RAF1: variants seen among roughly 807,000 people sequenced by gnomAD.
The protein encoded by RAF1 is RAF proto-oncogene serine/threonine-protein kinase.
Under a neutral mutation model 81.1 loss-of-function variants are expected in RAF1, and 27 were observed. The observed-to-expected ratio is 0.33, with a 90% CI of 0.25 to 0.46. The LOEUF (loss-of-function observed/expected upper bound fraction) is 0.46. Ranked by LOEUF, RAF1 falls within the 20% of genes least tolerant of loss-of-function variation. RAF1 has a pLI of 1.00. For missense variants in RAF1, 598 were observed against 826.0 expected (o/e 0.72, Z 3.38); for synonymous variants, 298 against 294.0 (o/e 1.01, Z -0.14).
At chr3:12,647,145 A>C (rs938645362) in intron 1 of RAF1, among the ~76,000 whole-genome samples, 1 of 151,730 alleles carries the variant, frequency 6.6e-6, no homozygotes, top group African/African-American at 2.4e-5. Flanking sequence ...AAATACAAAA[A>C]ATTAGCCTGG....
intron 1 of RAF1, among the ~76,000 whole-genome samples, chr3:12,621,216 C>T (rs2059548271): frequency 6.6e-6 from 1 of 152,136 alleles, no homozygotes; most frequent in Admixed American, 6.6e-5. Context: ...AGAAAATTCT[C>T]ACACACACAG....
At chr3:12,591,110 A>C (rs2058502308) in intron 12 of RAF1, 136 bp from the exon 12 acceptor site, 4 of 774,780 alleles carry the variant, frequency 5.2e-6, no homozygotes, top group Non-Finnish European at 8.2e-6. Context: ...CCCAAAAACA[A>C]ACACATGGCA....
intron 1 of RAF1, among the ~76,000 whole-genome samples, chr3:12,661,330 TACTC>T (rs1210330170): frequency 6.6e-5 from 10 of 152,224 alleles, no homozygotes; most frequent in Non-Finnish European, 1.3e-4. Context: ...AAACTAAAAA[TACTC>T]ACATTCTACA....
intron 1 of RAF1, among the ~76,000 whole-genome samples, chr3:12,626,066 G>A (rs1239196212): frequency 6.6e-6 from 1 of 151,350 alleles, no homozygotes; most frequent in African/African-American, 2.4e-5. Context: ...AGGAGTTTGA[G>A]ACCAGCCTGG....
intron 2 of RAF1, 123 bp downstream of exon 2, chr3:12,618,390 GAA>G: frequency 3.3e-5 from 27 of 810,046 alleles, no homozygotes; most frequent in Non-Finnish European, 3.9e-5. Context: ...TCTGCAGTTA[GAA>G]AAAAAAAAAT....
In RAF1 at chr3:12,584,363, A is replaced by G; in HGVS notation, c.*151T>C. 1.1e-6 allele frequency: 1 copy of G among 947,166 alleles called. No homozygotes were observed. The highest frequency in any genetic ancestry group is 2.6e-5 in the East Asian group (1 of 38,216). The allele number at this position is 947,166 out of a possible 1,614,324, so 58.7% of individuals were successfully genotyped here. ...CCAAAGGGATAGAAAAGAAGGCAACATGAAGTTAAGGCCCTGTGAGCAGTC... is the reference window on the plus strand; with the variant it reads ...CCAAAGGGATAGAAAAGAAGGCAACGTGAAGTTAAGGCCCTGTGAGCAGTC... On this transcript the variant is annotated 3_prime_UTR_variant, in exon 18 of 18. Coordinates refer to ENST00000442415, the MANE Select transcript of RAF1 (RefSeq NM_001354689.3).
chr3:12,608,575 A>G (rs1033560620), intron 5 of RAF1, 191 bp downstream of exon 5: 5 of 647,018 alleles, frequency 7.7e-6, no homozygotes, highest in Non-Finnish European at 1.4e-5. Context: ...CTACCTGCTC[A>G]TTCTGGAGTA....
chr3:12,645,097 CAAAAAAAAAAAAA>C (rs11401342), intron 1 of RAF1, among the ~76,000 whole-genome samples: 5 of 65,060 alleles, frequency 7.7e-5, no homozygotes, highest in Non-Finnish European at 1.3e-4. Context: ...GACTCAGTCT[CAAAAAAAAAAAAA>C]AAAAAAAAAA....
chr3:12,584,654 G>T lies in RAF1; in HGVS notation c.1867C>A (p.Leu623Met), dbSNP rs1420280008. The change falls in exon 18 of 18, where the codon CTG becomes ATG. Residue 623 changes from leucine to methionine, a missense_variant. By Grantham distance (15) the Leu-to-Met change is conservative (BLOSUM62 2). Coordinates refer to ENST00000442415, the MANE Select transcript of RAF1 (RefSeq NM_001354689.3). ...TGTTGGAGCAGCTCAATGGAAGACA[G>T]GATCTGAAACAAAGCCCAAGAATGC... 3 of 1,614,016 alleles carry T rather than the reference G, an allele frequency of 1.9e-6. No individual in the cohort carries two copies. The highest frequency in any genetic ancestry group is 2.5e-6 in the Non-Finnish European group (3 of 1,180,028).
intron 11 of RAF1, among the ~76,000 whole-genome samples, chr3:12,595,548 T>C (rs2058659206): frequency 6.6e-6 from 1 of 152,100 alleles, no homozygotes; most frequent in Non-Finnish European, 1.5e-5. Flanking sequence ...TAAAACACCC[T>C]ACCACTGGAC....
At chr3:12,635,222 C>T (rs771739572) in intron 1 of RAF1, among the ~76,000 whole-genome samples, 4 of 145,092 alleles carry the variant, frequency 2.8e-5, no homozygotes, top group Non-Finnish European at 6.0e-5. Context: ...AGGAGGCTGA[C>T]GCAGGAGAAT....
chr3:12,645,882 T>C (rs1447667479), intron 1 of RAF1, among the ~76,000 whole-genome samples: 1 of 152,104 alleles, frequency 6.6e-6, no homozygotes, highest in Non-Finnish European at 1.5e-5. Context: ...GCTTATTACA[T>C]TACTTTTAAA....
intron 5 of RAF1, 70 bp from the exon 6 acceptor site, chr3:12,606,369 G>A: frequency 8.5e-7 from 1 of 1,180,130 alleles, no homozygotes. Flanking sequence ...AGCATGCCTT[G>A]CTTTTGCAAA....
In RAF1 at chr3:12,591,685, T is replaced by TGG. The variant is rs757141986; in HGVS notation, c.1253+21_1253+22dup. Reference sequence around the variant, plus strand: ...CCCCACTCCAGCACTCCAGAGGGACTGGACCGCCAGCTTTCTACTCACCGC... The same window carrying TGG: ...CCCCACTCCAGCACTCCAGAGGGACTGGGGACCGCCAGCTTTCTACTCACCGC... On this transcript the variant is annotated intron_variant, in intron 12 of 17. Coordinates refer to ENST00000442415, the MANE Select transcript of RAF1 (RefSeq NM_001354689.3). 4 of 1,603,902 alleles carry TGG rather than the reference T, an allele frequency of 2.5e-6. No homozygotes were observed. The African/African-American group carries it at 4.0e-5, about 16-fold the overall frequency.
intron 1 of RAF1, among the ~76,000 whole-genome samples, chr3:12,627,840 C>A (rs1419874097): frequency 1.3e-5 from 2 of 152,214 alleles, no homozygotes; most frequent in Non-Finnish European, 2.9e-5. Context: ...TAGAGTGTGG[C>A]CAGGCACACT....
chr3:12,598,745 AAAAAAAAAC>A (rs1276240211), intron 11 of RAF1, among the ~76,000 whole-genome samples: 6 of 149,718 alleles, frequency 4.0e-5, no homozygotes, highest in Non-Finnish European at 7.4e-5. Context: ...AAAAAAAAAA[AAAAAAAAAC>A]CACCAAGTAC....
chr3:12,606,190 T>TA lies in RAF1; in HGVS notation c.680+10dup. On this transcript the variant is annotated intron_variant, in intron 6 of 17. Coordinates refer to ENST00000442415, the MANE Select transcript of RAF1 (RefSeq NM_001354689.3). ...AACTTTCTAAAAGAAAAGCTATAGG[T>TA]AAAAAATTACCTAACAGGCATCCTG... The TA allele has an allele frequency of 1.2e-6, 2 of 1,605,758 alleles. No homozygotes were observed. The highest frequency in any genetic ancestry group is 2.7e-5 in the African/African-American group (2 of 74,804).
At position 12,600,186 on chromosome 3, in the gene RAF1, G is replaced by T. The variant is rs563042465; in HGVS notation, c.1016C>A (p.Ala339Glu). The change falls in exon 10 of 18, where the codon GCA becomes GAA. Residue 339 changes from alanine (A) to glutamate (E), a missense_variant. Ala to Glu is a moderately radical substitution (Grantham distance 107). Transcript: ENST00000442415. ...TTTCTCCTGGGTCCCAGATACTGGTGCCCGCTCTCTTTGTGCTGGCACGGG... is the reference window on the plus strand; with the variant it reads ...TTTCTCCTGGGTCCCAGATACTGGTTCCCGCTCTCTTTGTGCTGGCACGGG... 6.2e-7 allele frequency: 1 copy of T among 1,614,164 alleles called. No individual in the cohort carries two copies. The highest frequency in any genetic ancestry group is 8.5e-7 in the Non-Finnish European group (1 of 1,180,024).
At chr3:12,598,755 C>CAAAAAA (rs1559418330) in intron 11 of RAF1, among the ~76,000 whole-genome samples, 2 of 98,930 alleles carry the variant, frequency 2.0e-5, no homozygotes, top group Non-Finnish European at 2.3e-5. Context: ...AAAAAAAAAC[C>CAAAAAA]ACCAAGTACT....
Sources: gnomAD v4.1 joint callset for allele counts (sites outside exome capture counted in the v4.1 genomes callset) on GRCh38, gnomAD v4.1.1 for gene constraint, MANE v1.5 for transcripts, NCBI Gene and HGNC (gene_info 2026-07-23, HGNC 2026-07-21) for gene names.